CCNH: variants seen among roughly 807,000 people sequenced by gnomAD.
CCNH encodes cyclin H, also known as cyclin-H.
CCNH carries 31 observed loss-of-function variants against 41.9 expected under a neutral mutation model. That is an observed-to-expected ratio of 0.74 (90% CI 0.56 to 1.00). The LOEUF is 1.00. Among genes scored for constraint, CCNH ranks in the 50% least tolerant of loss-of-function variants. The pLI, the probability that CCNH is intolerant of heterozygous loss-of-function variation, is 0.00. For missense variants in CCNH, 362 were observed against 388.4 expected, an observed-to-expected ratio of 0.93 and a Z score of 0.57; for synonymous variants, 138 against 136.1, an observed-to-expected ratio of 1.01 and a Z score of -0.10.
upstream of CCNH, chr5:87,378,570 G>T: frequency 6.4e-7 from 1 of 1,564,996 alleles, no homozygotes; most frequent in African/African-American, 1.4e-5. Context: ...AAGTATTTTT[G>T]CAAAGAACAT....
chr5:87,376,032 T>A (rs1444224482), downstream of CCNH, among the ~76,000 whole-genome samples: 1 of 152,176 alleles, frequency 6.6e-6, no homozygotes, highest in Non-Finnish European at 1.5e-5. Flanking sequence ...AAAGTGGAGT[T>A]TTCACCTCCA....
At chr5:87,392,855 A>C (rs1004180246), downstream of CCNH, 1 of 153,768 alleles carries the variant, frequency 6.5e-6, no homozygotes, top group Non-Finnish European at 1.4e-5. Flanking sequence ...TGGGTGGGAA[A>C]ATTTTCAGTG....
intron 9 of CCNH, among the ~76,000 whole-genome samples, chr5:87,334,760 TTCA>T (rs1426827995): frequency 6.6e-6 from 1 of 152,184 alleles, no homozygotes; most frequent in Non-Finnish European, 1.5e-5. Flanking sequence ...TTTATTGAAT[TTCA>T]ACCTGTGACT....
intron 9 of CCNH, among the ~76,000 whole-genome samples, chr5:87,344,118 A>G (rs1397157029): frequency 6.6e-6 from 1 of 152,156 alleles, no homozygotes; most frequent in Non-Finnish European, 1.5e-5. Context: ...AGGTACAAAA[A>G]TACATCTAGA....
downstream of CCNH, chr5:87,390,867 C>T: frequency 1.2e-6 from 2 of 1,612,328 alleles, no homozygotes; most frequent in Non-Finnish European, 1.7e-6. Context: ...TATACAAAAA[C>T]CAATGATGTC....
chr5:87,404,608 C>A (rs1217628197), intron 5 of CCNH, among the ~76,000 whole-genome samples: 1 of 152,168 alleles, frequency 6.6e-6, no homozygotes, highest in African/African-American at 2.4e-5. Context: ...ATACTGATAG[C>A]TATATCAGTC....
Position 87,335,813 on chromosome 5 carries a change from C to T in CCNH, c.*91-16916G>A, listed in dbSNP as rs181134249. 4.7e-3 allele frequency among the ~76,000 whole-genome samples: 717 copies of T among 152,184 alleles called. 5 individuals carry two copies. The highest frequency in any genetic ancestry group is 8.0e-3 in the Non-Finnish European group (543 of 67,998). ...GAACTAATATTTTCTAAAAGGTCAA[C>T]GCATGTTGTTACAAAATTATGCATG... On this transcript the variant is annotated intron_variant and NMD_transcript_variant, in intron 9 of 9. Transcript: ENST00000645953.
chr5:87,410,814 G>C (rs1580468630), intron 2 of CCNH, among the ~76,000 whole-genome samples: 1 of 152,056 alleles, frequency 6.6e-6, no homozygotes, highest in African/African-American at 2.4e-5. Context: ...AAAATCTTAT[G>C]GTATCAGTTT....
At chr5:87,314,062 G>A (rs1756128924), downstream of CCNH, among the ~76,000 whole-genome samples, 2 of 152,166 alleles carry the variant, frequency 1.3e-5, no homozygotes, top group Admixed American at 6.5e-5. Context: ...CCAGCTATTC[G>A]GGAGGCTGAG....
At chr5:87,321,991 CA>C (rs879724592) in intron 9 of CCNH, among the ~76,000 whole-genome samples, 2 of 152,114 alleles carry the variant, frequency 1.3e-5, no homozygotes, top group Non-Finnish European at 2.9e-5. Context: ...AAGACTATAA[CA>C]AGGGTGATAT....
At chr5:87,378,531 C>A, upstream of CCNH, 1 of 1,607,836 alleles carries the variant, frequency 6.2e-7, no homozygotes, top group South Asian at 1.1e-5. Flanking sequence ...AGCAAGCAGT[C>A]TTGTGAGGTA....
chr5:87,342,743 CT>C (rs1758571346), intron 9 of CCNH, among the ~76,000 whole-genome samples: 1 of 152,082 alleles, frequency 6.6e-6, no homozygotes, highest in African/African-American at 2.4e-5. Flanking sequence ...AAGGTAATCA[CT>C]TTGTCTAGTT....
At chr5:87,405,678 T>C (rs752175909) in intron 4 of CCNH, among the ~76,000 whole-genome samples, 2 of 152,014 alleles carry the variant, frequency 1.3e-5, no homozygotes, top group Non-Finnish European at 2.9e-5. Context: ...CTTTCTAATA[T>C]ATTTACTCAT....
In CCNH at chr5:87,383,924, C is replaced by T. The variant is rs1486233680; in HGVS notation, c.*90+8846G>A. On this transcript the variant is annotated intron_variant and NMD_transcript_variant, in intron 9 of 9. Transcript: ENST00000645953. ...ATATGAAGTATTCCAAAGCACCCTTCCTTCCTTGTGCTTGTGCTTCTTGGG... is the reference window on the plus strand; with the variant it reads ...ATATGAAGTATTCCAAAGCACCCTTTCTTCCTTGTGCTTGTGCTTCTTGGG... 8 of 737,802 alleles carry T rather than the reference C, an allele frequency of 1.1e-5. No individual in the cohort carries two copies. In the Admixed American group the frequency reaches 1.1e-4, roughly 10 times the overall value. The allele number at this position is 737,802 out of a possible 1,614,324, so 45.7% of individuals were successfully genotyped here. A position where few individuals can be genotyped will look rare whatever the true frequency, so the allele number is the denominator to read the frequency against.
At chr5:87,358,901 A>C (rs1040497560) in intron 9 of CCNH, among the ~76,000 whole-genome samples, 1 of 151,996 alleles carries the variant, frequency 6.6e-6, no homozygotes, top group Admixed American at 6.6e-5. Context: ...CACTAGCCTC[A>C]CTCTTACATC....
At chr5:87,351,147 G>T (rs1283912794) in intron 9 of CCNH, among the ~76,000 whole-genome samples, 2 of 150,634 alleles carry the variant, frequency 1.3e-5, no homozygotes, top group African/African-American at 4.9e-5. Flanking sequence ...AAACTGTTAA[G>T]ACATAACTTT....
chr5:87,383,218 C>G (rs1761846991), intron 9 of CCNH, among the ~76,000 whole-genome samples: 1 of 152,118 alleles, frequency 6.6e-6, no homozygotes, highest in Non-Finnish European at 1.5e-5. Context: ...GAATCATCAA[C>G]AAAATCAATG....
chr5:87,382,943 A>AT (rs1360424708), intron 9 of CCNH, among the ~76,000 whole-genome samples: 1 of 151,726 alleles, frequency 6.6e-6, no homozygotes, highest in Non-Finnish European at 1.5e-5. Context: ...AAAAAAAAAA[A>AT]ATTGCCAGGT....
At chr5:87,370,625 A>G (rs988545714) in intron 9 of CCNH, among the ~76,000 whole-genome samples, 1 of 152,148 alleles carries the variant, frequency 6.6e-6, no homozygotes, top group Admixed American at 6.6e-5. Context: ...GAGACACTGT[A>G]AGCCAGCCTA....
Sources: gnomAD v4.1 joint callset for allele counts (sites outside exome capture counted in the v4.1 genomes callset) on GRCh38, gnomAD v4.1.1 for gene constraint, MANE v1.5 for transcripts, NCBI Gene and HGNC (gene_info 2026-07-23, HGNC 2026-07-21) for gene names.